Variants in MACROD2 observed in about 807,000 individuals in gnomAD.
The protein encoded by MACROD2 is ADP-ribose glycohydrolase MACROD2.
A neutral mutation model predicts 70.4 loss-of-function variants in MACROD2; 36 were observed. The observed-to-expected ratio is 0.51, with a 90% CI of 0.39 to 0.68. The LOEUF is 0.68. MACROD2 is among the 30% of genes least tolerant of loss of function. MACROD2 has a pLI of 0.00. For synonymous variants in MACROD2, 172 were observed against 178.8 expected (o/e 0.96, Z 0.30); for missense variants, 496 against 538.4 (o/e 0.92, Z 0.78).
chr20:14,931,989 G>A (rs1359162190), intron 5 of MACROD2, among the ~76,000 whole-genome samples: 1 of 136,464 alleles, frequency 7.3e-6, no homozygotes, highest in Non-Finnish European at 1.5e-5. Flanking sequence ...GCAACAGAGT[G>A]AGACCCTGTT....
At chr20:14,541,389 G>C (rs2085429949) in intron 4 of MACROD2, among the ~76,000 whole-genome samples, 2 of 152,000 alleles carry the variant, frequency 1.3e-5, no homozygotes, top group Admixed American at 1.3e-4. Flanking sequence ...AGTCCATCTT[G>C]TCGGGGAAGT....
intron 5 of MACROD2, among the ~76,000 whole-genome samples, chr20:14,820,234 C>T (rs2072825536): frequency 6.6e-6 from 1 of 151,966 alleles, no homozygotes; most frequent in East Asian, 1.9e-4. Flanking sequence ...CATAGAAAGC[C>T]TACTTCTATC....
chr20:14,085,544 T>C, intron 2 of MACROD2, 77 bp from the exon 3 acceptor site: 1 of 772,058 alleles, frequency 1.3e-6, no homozygotes, highest in Non-Finnish European at 1.9e-6. Context: ...GGTCTTGTAG[T>C]AGTCTTGAGT....
chr20:14,003,970 C>T (rs1315785317), intron 2 of MACROD2, among the ~76,000 whole-genome samples: 2 of 151,934 alleles, frequency 1.3e-5, no homozygotes, highest in Non-Finnish European at 1.5e-5. Flanking sequence ...TTGAATATTT[C>T]AGCAGCAGCA....
Position 14,862,653 on chromosome 20 carries a change from ATAAAT to A in MACROD2, c.418+177695_418+177699del, listed in dbSNP as rs2073379558. Among the ~76,000 whole-genome samples the A allele has an allele frequency of 3.2e-4, 17 of 52,888 alleles. 3 individuals carry two copies. In the Admixed American group the frequency reaches 4.6e-3, roughly 14 times the overall value. 34.7% of individuals were successfully genotyped at this position (52,888 alleles called of 152,430 possible). On this transcript the variant is annotated intron_variant, in intron 5 of 17. Transcript: ENST00000684519. ...TAAATATATATATAAATATATATAT[ATAAAT>A]ATATATATAAATATATATAAATATA...
chr20:14,842,806 T>C (rs1600717193), intron 5 of MACROD2, among the ~76,000 whole-genome samples: 1 of 152,200 alleles, frequency 6.6e-6, no homozygotes, highest in East Asian at 1.9e-4. Context: ...CATAGTACAC[T>C]GAAGTCTTCA....
At chr20:14,271,871 A>G (rs760654758) in intron 3 of MACROD2, among the ~76,000 whole-genome samples, 3 of 152,226 alleles carry the variant, frequency 2.0e-5, no homozygotes, top group Admixed American at 6.5e-5. Flanking sequence ...AGCTGATGCA[A>G]TCAACTGGAA....
At chr20:15,324,711 T>G (rs2077909232) in intron 6 of MACROD2, among the ~76,000 whole-genome samples, 1 of 152,176 alleles carries the variant, frequency 6.6e-6, no homozygotes, top group African/African-American at 2.4e-5. Flanking sequence ...AGGTCTTTTT[T>G]GTCCTTAGAA....
chr20:14,409,849 T>C (rs2122861933), intron 3 of MACROD2, among the ~76,000 whole-genome samples: 1 of 152,264 alleles, frequency 6.6e-6, no homozygotes, highest in Non-Finnish European at 1.5e-5. Context: ...CTCCAACTGC[T>C]GAACTGAATC....
At chr20:15,206,338 T>C (rs980310832) in intron 5 of MACROD2, among the ~76,000 whole-genome samples, 1 of 152,196 alleles carries the variant, frequency 6.6e-6, no homozygotes, top group Non-Finnish European at 1.5e-5. Context: ...TGTTCTACTT[T>C]GAAAATCATA....
intron 5 of MACROD2, among the ~76,000 whole-genome samples, chr20:15,195,012 G>A (rs1056508663): frequency 6.6e-6 from 1 of 152,142 alleles, no homozygotes; most frequent in Non-Finnish European, 1.5e-5. Flanking sequence ...AAGTGGTGCT[G>A]GGAGAACTGG....
At chr20:14,033,873 CTT>C (rs1324695388) in intron 2 of MACROD2, among the ~76,000 whole-genome samples, 3 of 152,150 alleles carry the variant, frequency 2.0e-5, no homozygotes, top group Admixed American at 1.3e-4. Flanking sequence ...ATTCTTCACT[CTT>C]TTGTATCTTT....
chr20:14,574,371 C>A (rs1405177580), intron 4 of MACROD2, among the ~76,000 whole-genome samples: 2 of 151,846 alleles, frequency 1.3e-5, no homozygotes, highest in African/African-American at 2.4e-5. Context: ...TAGCATTTAC[C>A]CTGCCATTCA....
intron 8 of MACROD2, among the ~76,000 whole-genome samples, chr20:15,729,154 A>G (rs2050906498): frequency 6.6e-6 from 1 of 152,172 alleles, no homozygotes; most frequent in African/African-American, 2.4e-5. Flanking sequence ...CCCAGAAGTC[A>G]TTCAGGAGCA....
At chr20:15,219,426 CTTA>C (rs1601246534) in intron 5 of MACROD2, among the ~76,000 whole-genome samples, 2 of 152,128 alleles carry the variant, frequency 1.3e-5, no homozygotes, top group South Asian at 2.1e-4. Flanking sequence ...ATAAATTGCC[CTTA>C]TTATTTAAAT....
rs1292549936 is a variant in MACROD2, at chr20:15,528,951, A to G, written c.645+29104A>G. Among the ~76,000 whole-genome samples, 6 of 152,304 alleles carry G rather than the reference A, an allele frequency of 3.9e-5. No homozygotes were observed. The East Asian group carries it at 1.2e-3, about 29-fold the overall frequency. On this transcript the variant is annotated intron_variant, in intron 8 of 17. Transcript: ENST00000684519. ...TACCATCAGTTTTGACCATTTGGGT[A>G]ATGTATTAGATAGAATTACTGCTCT...
rs564499728 is a variant in MACROD2, at chr20:15,590,610, C to T, written c.645+90763C>T. ...TTAAGAAAAGATTCGTGGCCAGGCA[C>T]GGTGGCTCACGCCTGTAATCCCAGC... On this transcript the variant is annotated intron_variant, in intron 8 of 17. Transcript: ENST00000684519. Among the ~76,000 whole-genome samples, 225 of 152,206 alleles carry T rather than the reference C, an allele frequency of 1.5e-3. 1 individual carries two copies. Among genetic ancestry groups the T allele is most frequent in the African/African-American group, 5.3e-3 (219 of 41,528 alleles).
chr20:15,523,734 G>T (rs1442557013), intron 8 of MACROD2, among the ~76,000 whole-genome samples: 1 of 152,162 alleles, frequency 6.6e-6, no homozygotes, highest in African/African-American at 2.4e-5. Flanking sequence ...ACCTGCCCAG[G>T]TCTCTGTTTC....
intron 3 of MACROD2, among the ~76,000 whole-genome samples, chr20:14,345,658 G>T (rs1486726298): frequency 6.6e-6 from 1 of 152,070 alleles, no homozygotes; most frequent in Non-Finnish European, 1.5e-5. Context: ...TCGAACTCCT[G>T]ACGTCAGGTG....
Sources: gnomAD v4.1 joint callset for allele counts (sites outside exome capture counted in the v4.1 genomes callset) on GRCh38, gnomAD v4.1.1 for gene constraint, MANE v1.5 for transcripts, NCBI Gene and HGNC (gene_info 2026-07-23, HGNC 2026-07-21) for gene names.